The following COL22A1 variants were observed in gnomAD, a reference collection of about 807,000 sequenced individuals.
The protein encoded by COL22A1 is collagen alpha-1(XXII) chain.
Under a neutral mutation model 248.9 loss-of-function variants are expected in COL22A1, and 221 were observed. The ratio of observed to expected loss-of-function variants is 0.89; its 90% CI spans 0.80 to 0.99. The LOEUF is 0.99. Ranked by LOEUF, COL22A1 falls within the 50% of genes least tolerant of loss-of-function variation. The pLI is 0.00. For missense variants in COL22A1, 2,240 were observed against 2,179.0 expected, an observed-to-expected ratio of 1.03 and a Z score of -0.56; for synonymous variants, 891 against 793.4, an observed-to-expected ratio of 1.12 and a Z score of -2.07.
At chr8:138,826,193 C>T (rs1413575889) in intron 6 of COL22A1, among the ~76,000 whole-genome samples, 2 of 152,172 alleles carry the variant, frequency 1.3e-5, no homozygotes, top group Non-Finnish European at 2.9e-5. Flanking sequence ...TTCCATTTTA[C>T]AGCTAAGAAA....
chr8:138,594,512 A>G (rs1362874308), intron 62 of COL22A1, among the ~76,000 whole-genome samples: 1 of 152,206 alleles, frequency 6.6e-6, no homozygotes, highest in African/African-American at 2.4e-5. Context: ...CTGGGATCCC[A>G]GGACAGCCAC....
intron 19 of COL22A1, 66 bp from the exon 20 acceptor site, chr8:138,755,577 G>C (rs1832930100): frequency 6.5e-7 from 1 of 1,540,402 alleles, no homozygotes; most frequent in African/African-American, 1.4e-5. Flanking sequence ...ACCTCTCTCA[G>C]CTGCACTAAG....
intron 3 of COL22A1, among the ~76,000 whole-genome samples, chr8:138,845,284 G>T (rs1821163513): frequency 6.6e-6 from 1 of 152,062 alleles, no homozygotes; most frequent in Non-Finnish European, 1.5e-5. Context: ...AGACGGGGGG[G>T]GATCACCTGA....
intron 3 of COL22A1, among the ~76,000 whole-genome samples, chr8:138,864,175 C>A (rs1443282431): frequency 1.3e-5 from 2 of 152,008 alleles, no homozygotes; most frequent in Non-Finnish European, 2.9e-5. Flanking sequence ...CTTGGACCTC[C>A]CTGCCCAAAC....
intron 49 of COL22A1, among the ~76,000 whole-genome samples, chr8:138,633,833 G>A (rs149574301): frequency 2.0e-3 from 309 of 152,300 alleles, no homozygotes; most frequent in African/African-American, 6.9e-3. Context: ...GAAGTTAAAT[G>A]ACAGCAAACT....
intron 57 of COL22A1, 85 bp from the exon 58 acceptor site, chr8:138,606,537 C>T: frequency 1.5e-6 from 2 of 1,333,434 alleles, no homozygotes; most frequent in Non-Finnish European, 2.1e-6. Context: ...ACTCTGAAAT[C>T]AAAAGGCCTG....
intron 11 of COL22A1, among the ~76,000 whole-genome samples, chr8:138,797,931 G>C (rs551248829): frequency 1.3e-5 from 2 of 151,142 alleles, no homozygotes; most frequent in African/African-American, 4.9e-5. Flanking sequence ...GATTTTTTTG[G>C]TTTAAAGTCT....
chr8:138,647,764 T>C (rs780949348), intron 46 of COL22A1, among the ~76,000 whole-genome samples: 1 of 152,154 alleles, frequency 6.6e-6, no homozygotes, highest in Non-Finnish European at 1.5e-5. Context: ...TCAGAATCAC[T>C]GTGTAGCAGT....
At chr8:138,800,919 T>C (rs1816947802) in intron 11 of COL22A1, among the ~76,000 whole-genome samples, 2 of 152,184 alleles carry the variant, frequency 1.3e-5, no homozygotes, top group South Asian at 4.1e-4. Context: ...AAACCACATG[T>C]GTATGAGTTA....
chr8:138,888,922 G>A (rs533473492), intron 1 of COL22A1, among the ~76,000 whole-genome samples: 1 of 152,274 alleles, frequency 6.6e-6, no homozygotes, highest in East Asian at 1.9e-4. Flanking sequence ...TGAACGGCCA[G>A]CATCTGATGC....
At chr8:138,634,426 G>A (rs1820975910) in intron 49 of COL22A1, among the ~76,000 whole-genome samples, 1 of 152,032 alleles carries the variant, frequency 6.6e-6, no homozygotes, top group African/African-American at 2.4e-5. Context: ...TGTTGCCATG[G>A]CTACCCATGA....
At chr8:138,901,170 CA>C (rs35437692) in intron 1 of COL22A1, among the ~76,000 whole-genome samples, 18,553 of 109,776 alleles carry the variant, frequency 0.17, 1,390 homozygotes, top group African/African-American at 0.27. Context: ...CCACTGCTTT[CA>C]AAAAAAAAAA....
chr8:138,820,172 A>G (rs1818990200), intron 7 of COL22A1, among the ~76,000 whole-genome samples: 1 of 152,222 alleles, frequency 6.6e-6, no homozygotes, highest in South Asian at 2.1e-4. Context: ...TATTTACATA[A>G]ACTTCCAAGA....
In COL22A1 at chr8:138,722,101, G is replaced by A. The variant is rs1347090953; in HGVS notation, c.2248-12C>T. ...TTTCCAGGGGGTCCCTGGGCCAAGAGGGGAAAACATAAATAAAAAGGAAAG... is the reference window on the plus strand; with the variant it reads ...TTTCCAGGGGGTCCCTGGGCCAAGAAGGGAAAACATAAATAAAAAGGAAAG... On this transcript the variant is annotated splice_polypyrimidine_tract_variant and intron_variant, in intron 25 of 64. Transcript: ENST00000303045. The A allele has an allele frequency of 3.2e-6, 5 of 1,570,286 alleles. No individual in the cohort carries two copies. Among genetic ancestry groups the A allele is most frequent in the African/African-American group, 2.7e-5 (2 of 73,848 alleles).
chr8:138,834,243 C>T (rs1008468591), intron 4 of COL22A1, among the ~76,000 whole-genome samples: 1 of 151,860 alleles, frequency 6.6e-6, no homozygotes, highest in Non-Finnish European at 1.5e-5. Flanking sequence ...TGTGCCCCCC[C>T]AGGGATAATA....
chr8:138,767,636 C>T (rs1834011624), intron 16 of COL22A1, among the ~76,000 whole-genome samples: 1 of 152,238 alleles, frequency 6.6e-6, no homozygotes, highest in Non-Finnish European at 1.5e-5. Context: ...CCTCATTTGA[C>T]ATTTCAAGCG....
intron 1 of COL22A1, among the ~76,000 whole-genome samples, chr8:138,895,610 C>T (rs996621095): frequency 6.6e-6 from 1 of 152,018 alleles, no homozygotes; most frequent in South Asian, 2.1e-4. Context: ...AGAATTTACC[C>T]AATCTGAGCA....
intron 32 of COL22A1, among the ~76,000 whole-genome samples, chr8:138,698,135 G>A (rs1017634254): frequency 3.3e-5 from 5 of 152,182 alleles, no homozygotes; most frequent in African/African-American, 1.2e-4. Flanking sequence ...GGCTCAGGGT[G>A]GACCTGAGGG....
At chr8:138,731,661 AGAGT>A (rs1247452050) in intron 23 of COL22A1, among the ~76,000 whole-genome samples, 40 of 151,544 alleles carry the variant, frequency 2.6e-4, no homozygotes, top group Admixed American at 1.8e-3. Context: ...AGAGAGAGAG[AGAGT>A]GAGTTCTGGG....
Sources: allele counts gnomAD v4.1 joint callset (sites outside exome capture counted in the v4.1 genomes callset), GRCh38; gene constraint gnomAD v4.1.1; transcripts MANE v1.5; gene names NCBI Gene and HGNC (gene_info 2026-07-23, HGNC 2026-07-21).